SDF4: variants seen among roughly 807,000 people sequenced by gnomAD.
SDF4 encodes 45 kDa calcium-binding protein.
SDF4 carries 22 observed loss-of-function variants against 34.2 expected under a neutral mutation model. That is an observed-to-expected ratio of 0.64 (90% CI 0.46 to 0.92). SDF4 has a LOEUF of 0.92. Ranked by LOEUF, SDF4 falls within the 40% of genes least tolerant of loss-of-function variation. The pLI, the probability that SDF4 is intolerant of heterozygous loss-of-function variation, is 0.00. For synonymous variants in SDF4, 236 were observed against 203.1 expected (o/e 1.16, Z -1.38); for missense variants, 447 against 499.9 (o/e 0.89, Z 1.01).
chr1:1,229,307 G>GTGATGCTCTGGGCTCAC (rs1638419745), intron 1 of SDF4, among the ~76,000 whole-genome samples: 1 of 152,152 alleles, frequency 6.6e-6, no homozygotes, highest in East Asian at 1.9e-4. Flanking sequence ...TCTGGGCTCA[G>GTGATGCTCTGGGCTCAC]GTGATGCTCT....
chr1:1,217,389 G>C lies in SDF4; in HGVS notation c.*123C>G. On this transcript the variant is annotated 3_prime_UTR_variant, in exon 7 of 7. Coordinates refer to ENST00000360001, the MANE Select transcript of SDF4 (RefSeq NM_016176.6). The surrounding 1 kb of genome is among the most constrained non-coding windows in gnomAD (Gnocchi z 8.5). ...GCCGCTCATCAACTGGGGCAGCCGC[G>C]GTCGGTCGGCCGGTGGCGGGCGGCA... 1 of 764,898 alleles carries C rather than the reference G, an allele frequency of 1.3e-6. No homozygotes were observed. The highest frequency in any genetic ancestry group is 1.7e-6 in the Non-Finnish European group (1 of 574,506). The allele number at this position is 764,898 out of a possible 1,614,324, so 47.4% of individuals were successfully genotyped here.
At chr1:1,230,546 C>T (rs537635065) in intron 1 of SDF4, among the ~76,000 whole-genome samples, 82 of 152,172 alleles carry the variant, frequency 5.4e-4, no homozygotes, top group Non-Finnish European at 9.9e-4. Context: ...CTGCAACCTC[C>T]ACCTCCCAGG....
chr1:1,224,056 A>G, intron 2 of SDF4, 88 bp from the exon 3 acceptor site: 5 of 1,567,238 alleles, frequency 3.2e-6, no homozygotes, highest in Non-Finnish European at 4.3e-6. Flanking sequence ...CCAGGACTCC[A>G]TGGCTGCGTG....
chr1:1,219,580 C>T, intron 4 of SDF4: 1 of 987,550 alleles, frequency 1.0e-6, no homozygotes, highest in Non-Finnish European at 1.2e-6. Context: ...CTGAGCAGAG[C>T]TTCCCAGGAA....
At chr1:1,223,796 C>A in intron 3 of SDF4, 36 bp downstream of exon 3, 2 of 614,738 alleles carry the variant, frequency 3.3e-6, no homozygotes, top group Middle Eastern at 4.3e-4. Flanking sequence ...GCCCGCCCCG[C>A]CCACCGCCCC....
At position 1,224,596 on chromosome 1, in the gene SDF4, G is replaced by A. The variant is rs1384470634; in HGVS notation, c.306-628C>T. ...GCCCGGCCCATGTTTTATTTTCGAT[G>A]CTTCAGGTATGGCTACACAAAAACC... On this transcript the variant is annotated intron_variant, in intron 2 of 6. Transcript: ENST00000360001. Among the ~76,000 whole-genome samples the A allele has an allele frequency of 2.0e-5, 3 of 152,150 alleles. No homozygotes were observed. The South Asian group carries it at 6.2e-4, about 31-fold the overall frequency.
At chr1:1,231,284 G>A (rs1020017631) in intron 1 of SDF4, among the ~76,000 whole-genome samples, 5 of 152,212 alleles carry the variant, frequency 3.3e-5, no homozygotes, top group African/African-American at 9.7e-5. Context: ...TTCCCAGCAA[G>A]GAATCAACAC....
In SDF4 at chr1:1,218,157, C is replaced by G. The variant is rs568258376; in HGVS notation, c.891+301G>C. On this transcript the variant is annotated intron_variant, in intron 6 of 6. Coordinates refer to ENST00000360001, the MANE Select transcript of SDF4 (RefSeq NM_016176.6). The surrounding 1 kb of genome is among the most constrained non-coding windows in gnomAD (Gnocchi z 7.9). ...CTTGGACCTGCCTCCATGCTGGGCC[C>G]AGCATGAGCTTCCCCTTGTGGTCCC... 1.8e-3 allele frequency among the ~76,000 whole-genome samples: 273 copies of G among 152,342 alleles called. No homozygotes were observed. The highest frequency in any genetic ancestry group is 6.3e-3 in the African/African-American group (264 of 41,592).
rs1245034143 is a variant in SDF4, at chr1:1,228,838, G to A, written c.-66C>T. 8.3e-6 allele frequency: 12 copies of A among 1,447,516 alleles called. No individual in the cohort carries two copies. Among genetic ancestry groups the A allele is most frequent in the South Asian group, 1.2e-5 (1 of 80,288 alleles). 89.7% of individuals were successfully genotyped at this position (1,447,516 alleles called of 1,614,324 possible). A position where few individuals can be genotyped will look rare whatever the true frequency, so the allele number is the denominator to read the frequency against. ...GGGCCAGGTGCTGGGAGGGGCAGGGGCAGGGGCAGAGGAGGAAGTGAGGTC... is the reference window on the plus strand; with the variant it reads ...GGGCCAGGTGCTGGGAGGGGCAGGGACAGGGGCAGAGGAGGAAGTGAGGTC... On this transcript the variant is annotated 5_prime_UTR_variant, in exon 2 of 7. Coordinates refer to ENST00000360001, the MANE Select transcript of SDF4 (RefSeq NM_016176.6).
At position 1,218,287 on chromosome 1, in the gene SDF4, C is replaced by T. The variant is rs946699885; in HGVS notation, c.891+171G>A. Among the ~76,000 whole-genome samples the T allele has an allele frequency of 1.3e-5, 2 of 152,200 alleles. No individual in the cohort carries two copies. The highest frequency in any genetic ancestry group is 1.5e-5 in the Non-Finnish European group (1 of 68,040). On this transcript the variant is annotated intron_variant, in intron 6 of 6. Transcript: ENST00000360001. The surrounding 1 kb of genome is among the most constrained non-coding windows in gnomAD (Gnocchi z 7.9). ...TCCGTCTGAACCTAAACGCCAACAA[C>T]GGCCATGCAGCCTGGTGGACACCGC...
intron 4 of SDF4, chr1:1,220,544 T>A: frequency 8.0e-7 from 1 of 1,243,680 alleles, no homozygotes; most frequent in Admixed American, 2.5e-5. Context: ...GGTCGGGGGG[T>A]CCTAGGCACC....
At position 1,217,319 on chromosome 1, in the gene SDF4, G is replaced by A. The variant is rs1649565299; in HGVS notation, c.*193C>T. ...CAGCCCAGCCCCGCGCCCCGACCGC[G>A]TCACAGCCAAAGCCCCGCCGGGGTG... On this transcript the variant is annotated 3_prime_UTR_variant, in exon 7 of 7. Coordinates refer to ENST00000360001, the MANE Select transcript of SDF4 (RefSeq NM_016176.6). The surrounding 1 kb of genome is among the most constrained non-coding windows in gnomAD (Gnocchi z 8.5). 11 of 301,744 alleles carry A rather than the reference G, an allele frequency of 3.6e-5. No homozygotes were observed. The highest frequency in any genetic ancestry group is 5.1e-5 in the Non-Finnish European group (9 of 177,234). 18.7% of individuals were successfully genotyped at this position (301,744 alleles called of 1,614,324 possible).
rs548713875 is a variant in SDF4 at position 1,223,171 on chromosome 1, CAT to C, written c.556+71_556+72del. 1,361 of 1,026,600 alleles carry C rather than the reference CAT, an allele frequency of 1.3e-3. 5 individuals carry two copies. Among genetic ancestry groups the C allele is most frequent in the South Asian group, 2.6e-3 (203 of 78,154 alleles). 63.6% of individuals were successfully genotyped at this position (1,026,600 alleles called of 1,614,324 possible). On this transcript the variant is annotated intron_variant, in intron 4 of 6. Transcript: ENST00000360001. ...TCATACACGACACACACGGCACACT[CAT>C]GTACACACAACACACGCGCGCACAC... is the stretch of plus-strand genomic sequence containing the variant.
In SDF4 at chr1:1,228,926, T is replaced by G; in HGVS notation, c.-154A>C. 1.5e-6 allele frequency: 1 copy of G among 651,170 alleles called. No individual in the cohort carries two copies. Among genetic ancestry groups the G allele is most frequent in the Admixed American group, 2.9e-5 (1 of 34,828 alleles). 40.3% of individuals were successfully genotyped at this position (651,170 alleles called of 1,614,324 possible). On this transcript the variant is annotated 5_prime_UTR_variant, in exon 2 of 7. Transcript: ENST00000360001. Reference sequence around the variant, plus strand: ...CTGTGTCCCCAGGACGGCCGCAGGATGGGGACAAGCAGCTCACAGTCTGCA... The same window carrying G: ...CTGTGTCCCCAGGACGGCCGCAGGAGGGGGACAAGCAGCTCACAGTCTGCA...
At chr1:1,231,268 G>C (rs1313872656) in intron 1 of SDF4, among the ~76,000 whole-genome samples, 1 of 152,238 alleles carries the variant, frequency 6.6e-6, no homozygotes, top group African/African-American at 2.4e-5. Flanking sequence ...TCCCCTAGCA[G>C]CTCAGTTCCC....
chr1:1,219,211 CT>C lies in SDF4; in HGVS notation c.557-285del, dbSNP rs544580417. ...TCCCCAAGACAGCCTGGACCCCCCC[CT>C]GCCCCAGACCCCCAATACATGGATG... On this transcript the variant is annotated intron_variant, in intron 4 of 6. Coordinates refer to ENST00000360001, the MANE Select transcript of SDF4 (RefSeq NM_016176.6). The C allele has an allele frequency of 8.2e-4, 1,033 of 1,252,474 alleles. 16 individuals are homozygous for C. In the African/African-American group the frequency reaches 9.6e-3, roughly 12 times the overall value. 77.6% of individuals were successfully genotyped at this position (1,252,474 alleles called of 1,614,324 possible). A position where few individuals can be genotyped will look rare whatever the true frequency, so the allele number is the denominator to read the frequency against.
intron 1 of SDF4, among the ~76,000 whole-genome samples, chr1:1,229,697 C>G (rs1380932105): frequency 2.6e-5 from 4 of 152,206 alleles, no homozygotes; most frequent in Non-Finnish European, 5.9e-5. Context: ...GGGTCACTCT[C>G]CAGACCCTGA....
rs767728068 is a variant in SDF4 at position 1,228,495 on chromosome 1, C to T, written c.278G>A (p.Arg93Gln). 13 of 1,608,100 alleles carry T rather than the reference C, an allele frequency of 8.1e-6. No homozygotes were observed. The highest frequency in any genetic ancestry group is 3.3e-5 in the South Asian group (3 of 90,892). Residue 93 changes from arginine (R) to glutamine (Q), a missense_variant, in exon 2 of 7, where the codon CGG becomes CAG. Physicochemically the swap from Arg to Gln is conservative, Grantham distance 43. Transcript: ENST00000360001. ...GGAAAAGATGACCATCAGCTTCCTC[C>T]GGCTCCGCCGCGGCTCCGCGTCCTC... ...FDEDAEPRRSRRKLMVIFSKV... is the reference protein window; with the variant it reads ...FDEDAEPRRSQRKLMVIFSKV...
intron 1 of SDF4, among the ~76,000 whole-genome samples, chr1:1,229,874 A>G (rs997421071): frequency 2.0e-5 from 3 of 151,668 alleles, no homozygotes. Flanking sequence ...CCAGCAAACA[A>G]ACACACAACC....
Sources: allele counts gnomAD v4.1 joint callset (sites outside exome capture counted in the v4.1 genomes callset), GRCh38; gene constraint gnomAD v4.1.1; non-coding constraint Gnocchi (gnomAD v3.1); transcripts MANE v1.5; gene names NCBI Gene and HGNC (gene_info 2026-07-23, HGNC 2026-07-21).